BMPR1B: variants seen among roughly 807,000 people sequenced by gnomAD.
The protein encoded by BMPR1B is bone morphogenetic protein receptor type 1B, also known as bone morphogenetic protein receptor type-1B.
Under a neutral mutation model 59.1 loss-of-function variants are expected in BMPR1B, and 12 were observed. That is an observed-to-expected ratio of 0.20 (90% CI 0.13 to 0.33). The LOEUF (loss-of-function observed/expected upper bound fraction) is 0.33, where lower values mean the gene tolerates loss of function less well. BMPR1B is among the 10% of genes least tolerant of loss of function. The pLI is 1.00. For missense variants in BMPR1B, 550 were observed against 610.9 expected, an observed-to-expected ratio of 0.90 and a Z score of 1.05; for synonymous variants, 237 against 207.3, an observed-to-expected ratio of 1.14 and a Z score of -1.23.
chr4:94,808,701 T>G (rs1174860981), intron 1 of BMPR1B, among the ~76,000 whole-genome samples: 2 of 152,196 alleles, frequency 1.3e-5, no homozygotes, highest in Non-Finnish European at 2.9e-5. Context: ...AAGTTTCTGT[T>G]TTATTTCGCC....
At chr4:94,926,494 G>T (rs1728895155) in intron 2 of BMPR1B, among the ~76,000 whole-genome samples, 1 of 152,054 alleles carries the variant, frequency 6.6e-6, no homozygotes, top group African/African-American at 2.4e-5. Context: ...AGAGGAGTTT[G>T]CCCCAGAGTT....
intron 1 of BMPR1B, among the ~76,000 whole-genome samples, chr4:94,809,679 A>G (rs1016398602): frequency 3.3e-5 from 5 of 152,238 alleles, no homozygotes; most frequent in Non-Finnish European, 7.3e-5. Flanking sequence ...AAAGAGAAAC[A>G]ATCCTTTTTC....
chr4:94,949,308 CTT>C (rs1216699208), intron 2 of BMPR1B, among the ~76,000 whole-genome samples: 7 of 81,930 alleles, frequency 8.5e-5, no homozygotes, highest in Admixed American at 2.2e-4. Context: ...TGAACTCATT[CTT>C]TTTTTTTTTT....
At chr4:95,050,844 T>C (rs13113714) in intron 3 of BMPR1B, among the ~76,000 whole-genome samples, 124,599 of 152,090 alleles carry the variant, frequency 0.82, 51,195 homozygotes, top group South Asian at 0.88. Flanking sequence ...TAACAGTTCT[T>C]AGAGTAAAAC....
chr4:94,915,104 C>G (rs998808697), intron 2 of BMPR1B, among the ~76,000 whole-genome samples: 1 of 152,108 alleles, frequency 6.6e-6, no homozygotes, highest in Non-Finnish European at 1.5e-5. Context: ...TCAACCTTGA[C>G]AGGTACCAAT....
intron 1 of BMPR1B, among the ~76,000 whole-genome samples, chr4:94,770,812 C>T (rs532122997): frequency 3.6e-4 from 54 of 148,554 alleles, no homozygotes; most frequent in Non-Finnish European, 5.9e-4. Context: ...TAAAAAAAAT[C>T]CAGTGGATTA....
rs1394441134 is a variant in BMPR1B, at chr4:95,114,662, A to ACG, written c.144-57_144-56insGC. Reference sequence around the variant, plus strand: ...TTCCCCTAGACACACACACACACACACACACACTGACTCACACACACACAT... The same window carrying ACG: ...TTCCCCTAGACACACACACACACACACGCACACACTGACTCACACACACACAT... On this transcript the variant is annotated intron_variant, in intron 4 of 12. Transcript: ENST00000515059. 29 of 1,402,358 alleles carry ACG rather than the reference A, an allele frequency of 2.1e-5. No individual in the cohort carries two copies. The African/African-American group carries it at 4.1e-4, about 20-fold the overall frequency. 86.9% of individuals were successfully genotyped at this position (1,402,358 alleles called of 1,614,324 possible). A position where few individuals can be genotyped will look rare whatever the true frequency, so the allele number is the denominator to read the frequency against.
intron 3 of BMPR1B, among the ~76,000 whole-genome samples, chr4:94,998,997 T>C (rs1722262921): frequency 6.6e-6 from 1 of 152,190 alleles, no homozygotes; most frequent in African/African-American, 2.4e-5. Context: ...CTGTTCTATC[T>C]TGAAAACCCT....
intron 2 of BMPR1B, among the ~76,000 whole-genome samples, chr4:94,906,936 G>A (rs576555580): frequency 6.6e-6 from 1 of 152,076 alleles, no homozygotes; most frequent in African/African-American, 2.4e-5. Context: ...TAATTTATGG[G>A]TTTTGTAGAG....
At chr4:95,138,760 A>G (rs1733994899) in intron 10 of BMPR1B, among the ~76,000 whole-genome samples, 1 of 152,180 alleles carries the variant, frequency 6.6e-6, no homozygotes, top group Admixed American at 6.5e-5. Flanking sequence ...AGCTCCATCA[A>G]GTCATTTAAG....
At chr4:94,996,683 G>A (rs1722080329) in intron 3 of BMPR1B, among the ~76,000 whole-genome samples, 1 of 152,180 alleles carries the variant, frequency 6.6e-6, no homozygotes, top group Non-Finnish European at 1.5e-5. Context: ...CTGGGGTGGT[G>A]AGAAGTGAGA....
chr4:94,977,845 A>G (rs1431766602), intron 2 of BMPR1B, among the ~76,000 whole-genome samples: 1 of 152,244 alleles, frequency 6.6e-6, no homozygotes, highest in Non-Finnish European at 1.5e-5. Flanking sequence ...CAACAGAAGA[A>G]AAAGAAAAGA....
chr4:94,759,698 T>A (rs1274792483), intron 1 of BMPR1B, among the ~76,000 whole-genome samples: 2 of 152,242 alleles, frequency 1.3e-5, no homozygotes, highest in African/African-American at 4.8e-5. Flanking sequence ...GTCAGTAATT[T>A]TAAAACATGA....
chr4:95,024,917 A>G (rs904193471), intron 3 of BMPR1B, among the ~76,000 whole-genome samples: 1 of 152,114 alleles, frequency 6.6e-6, no homozygotes, highest in Admixed American at 6.5e-5. Context: ...CCTGGCCAAT[A>G]TGGTGAAACC....
chr4:94,854,774 A>G (rs967395059), intron 1 of BMPR1B, among the ~76,000 whole-genome samples: 2 of 152,118 alleles, frequency 1.3e-5, no homozygotes, highest in Non-Finnish European at 2.9e-5. Context: ...CTCCCTAGTC[A>G]TTGTGCAAGC....
chr4:94,929,029 A>G (rs188243874), intron 2 of BMPR1B, among the ~76,000 whole-genome samples: 1 of 152,232 alleles, frequency 6.6e-6, no homozygotes, highest in East Asian at 1.9e-4. Flanking sequence ...TTCATGATAC[A>G]TGCACTGAAA....
At chr4:94,810,757 G>A (rs1723780072) in intron 1 of BMPR1B, among the ~76,000 whole-genome samples, 1 of 152,234 alleles carries the variant, frequency 6.6e-6, no homozygotes, top group African/African-American at 2.4e-5. Flanking sequence ...AAATCCTGCT[G>A]TGGTGCATTG....
chr4:95,039,254 G>T (rs192238998), intron 3 of BMPR1B, among the ~76,000 whole-genome samples: 3 of 151,654 alleles, frequency 2.0e-5, no homozygotes, highest in African/African-American at 4.9e-5. Flanking sequence ...CTCTTATTTC[G>T]TGCACATTAA....
intron 10 of BMPR1B, among the ~76,000 whole-genome samples, chr4:95,146,554 T>A (rs1380666091): frequency 6.6e-6 from 1 of 152,208 alleles, no homozygotes; most frequent in Non-Finnish European, 1.5e-5. Context: ...GATTACACCT[T>A]TGGCCTTTCT....
Sources: allele counts gnomAD v4.1 joint callset (sites outside exome capture counted in the v4.1 genomes callset), GRCh38; gene constraint gnomAD v4.1.1; transcripts MANE v1.5; gene names NCBI Gene and HGNC (gene_info 2026-07-23, HGNC 2026-07-21).